The following USH2A variants were observed in gnomAD, a reference collection of about 807,000 sequenced individuals.
USH2A encodes the protein usherin.
A neutral mutation model predicts 538.9 loss-of-function variants in USH2A; 443 were observed. The observed-to-expected ratio is 0.82, with a 90% CI of 0.76 to 0.89. The LOEUF (loss-of-function observed/expected upper bound fraction) is 0.89, where lower values mean the gene tolerates loss of function less well. Ranked by LOEUF, USH2A falls within the 40% of genes least tolerant of loss-of-function variation. The pLI, the probability that USH2A is intolerant of heterozygous loss-of-function variation, is 0.00. For missense variants in USH2A, 6,633 were observed against 6,324.8 expected, an observed-to-expected ratio of 1.05 and a Z score of -1.65; for synonymous variants, 2,413 against 2,273.5, an observed-to-expected ratio of 1.06 and a Z score of -1.75.
chr1:216,291,477 T>G (rs2037001077), intron 10 of USH2A, among the ~76,000 whole-genome samples: 1 of 152,194 alleles, frequency 6.6e-6, no homozygotes. Flanking sequence ...TTATTCATCT[T>G]CATGTCCCCA....
intron 4 of USH2A, among the ~76,000 whole-genome samples, chr1:216,354,189 T>A (rs2038338500): frequency 6.6e-6 from 1 of 150,528 alleles, no homozygotes; most frequent in Non-Finnish European, 1.5e-5. Flanking sequence ...CAGTTTGGTA[T>A]TTTTTCTTTC....
At chr1:215,983,538 T>C (rs139608726) in intron 35 of USH2A, among the ~76,000 whole-genome samples, 5 of 152,252 alleles carry the variant, frequency 3.3e-5, no homozygotes, top group Non-Finnish European at 7.4e-5. Flanking sequence ...AATGGAAATT[T>C]TGTTCATTTA....
intron 64 of USH2A, among the ~76,000 whole-genome samples, chr1:215,651,715 G>GA (rs1235941511): frequency 6.6e-6 from 1 of 151,242 alleles, no homozygotes; most frequent in East Asian, 1.9e-4. Context: ...ATTTGTGGGG[G>GA]AAAAAAAGAA....
intron 11 of USH2A, among the ~76,000 whole-genome samples, chr1:216,266,154 T>C (rs1235586018): frequency 6.6e-6 from 1 of 152,102 alleles, no homozygotes; most frequent in Non-Finnish European, 1.5e-5. Flanking sequence ...TTGAAATATC[T>C]CTCTGTATCC....
chr1:216,000,436 A>C lies in USH2A; in HGVS notation c.6452T>G (p.Leu2151Arg). Residue 2151 changes from leucine to arginine, a missense_variant, in exon 33 of 72, where the codon CTG becomes CGG. Transcript: ENST00000307340. The part of the protein sequence containing the change: ...LPPEHVDSPV[L>R]TVLDSRTIHI... ...TATAGTTCTAGAATCCAGGACAGTC[A>C]GAACTGGGGAATCCACGTGTTCTGG... 6.2e-7 allele frequency: 1 copy of C among 1,613,710 alleles called. No individual in the cohort carries two copies. Among genetic ancestry groups the C allele is most frequent in the African/African-American group, 1.3e-5 (1 of 75,042 alleles).
chr1:216,266,291 C>A (rs1394034352), intron 11 of USH2A, among the ~76,000 whole-genome samples: 3 of 151,986 alleles, frequency 2.0e-5, no homozygotes, highest in Middle Eastern at 3.4e-3. Flanking sequence ...CATTCAAATT[C>A]CAAAAATAAA....
chr1:215,743,068 G>A lies in USH2A; in HGVS notation c.11548+109C>T, dbSNP rs553080499. On this transcript the variant is annotated intron_variant, in intron 59 of 71. Transcript: ENST00000307340. ...AAACAGTCCACTACAAATAAGAAGT[G>A]AAACGTTAGTCTTTATATTTGGACT... The A allele has an allele frequency of 9.5e-6, 13 of 1,371,060 alleles. No homozygotes were observed. The African/African-American group carries it at 1.7e-4, about 18-fold the overall frequency. 84.9% of individuals were successfully genotyped at this position (1,371,060 alleles called of 1,614,324 possible). A position where few individuals can be genotyped will look rare whatever the true frequency, so the allele number is the denominator to read the frequency against.
At chr1:216,314,037 T>C (rs1236032515) in intron 9 of USH2A, among the ~76,000 whole-genome samples, 1 of 152,214 alleles carries the variant, frequency 6.6e-6, no homozygotes, top group Non-Finnish European at 1.5e-5. Context: ...TACCTATGTA[T>C]GCATTTACTT....
At chr1:216,122,840 C>T (rs2033164789) in intron 21 of USH2A, among the ~76,000 whole-genome samples, 1 of 152,108 alleles carries the variant, frequency 6.6e-6, no homozygotes. Flanking sequence ...AGAGACTTTC[C>T]CATCCTATTG....
chr1:215,896,432 A>T (rs1665342584), intron 40 of USH2A, among the ~76,000 whole-genome samples: 1 of 152,142 alleles, frequency 6.6e-6, no homozygotes, highest in South Asian at 2.1e-4. Context: ...TCCATATTTC[A>T]ATCTTATTTC....
At chr1:215,923,876 T>G (rs115410582) in intron 38 of USH2A, among the ~76,000 whole-genome samples, 1 of 151,878 alleles carries the variant, frequency 6.6e-6, no homozygotes, top group Non-Finnish European at 1.5e-5. Context: ...CTCATTTTTT[T>G]TTTCATTTTA....
chr1:215,738,302 CA>C lies in USH2A; in HGVS notation c.11711+3072del, dbSNP rs1660210482. Among the ~76,000 whole-genome samples the C allele has an allele frequency of 2.6e-5, 4 of 152,222 alleles. No homozygotes were observed. The South Asian group carries it at 8.3e-4, about 32-fold the overall frequency. ...GTCTTGTCTATACTCAGTCAATAAA[CA>C]GGTTGCAAAACACTAACTTAAATGT... On this transcript the variant is annotated intron_variant, in intron 60 of 71. Transcript: ENST00000307340.
At chr1:216,240,013 C>CAAAAAAAAAAAAAA (rs55691066) in intron 13 of USH2A, among the ~76,000 whole-genome samples, 5 of 112,288 alleles carry the variant, frequency 4.5e-5, no homozygotes, top group African/African-American at 6.6e-5. Flanking sequence ...ATGAAATAAA[C>CAAAAAAAAAAAAAA]AAAAAAAAAA....
chr1:215,673,439 G>A (rs574772308), intron 63 of USH2A, among the ~76,000 whole-genome samples: 4 of 152,234 alleles, frequency 2.6e-5, no homozygotes, highest in African/African-American at 7.2e-5. Flanking sequence ...AAAATGTGAT[G>A]GGGAAAACTG....
At chr1:215,819,406 T>TAA (rs5780859) in intron 47 of USH2A, among the ~76,000 whole-genome samples, 1 of 151,204 alleles carries the variant, frequency 6.6e-6, no homozygotes, top group Non-Finnish European at 1.5e-5. Flanking sequence ...CATAGACTGC[T>TAA]AAAAAAAGAA....
At chr1:215,791,721 C>A (rs1031161906) in intron 50 of USH2A, among the ~76,000 whole-genome samples, 5 of 152,120 alleles carry the variant, frequency 3.3e-5, no homozygotes, top group Non-Finnish European at 5.9e-5. Context: ...CAAATTAATA[C>A]AAAGAGCAGG....
intron 38 of USH2A, among the ~76,000 whole-genome samples, chr1:215,913,432 T>A (rs1427371154): frequency 1.3e-5 from 2 of 152,110 alleles, no homozygotes; most frequent in Non-Finnish European, 2.9e-5. Flanking sequence ...GTTAAATGAC[T>A]AAGACTTTGC....
At chr1:215,955,632 C>T (rs1037810743) in intron 37 of USH2A, among the ~76,000 whole-genome samples, 1 of 151,976 alleles carries the variant, frequency 6.6e-6, no homozygotes, top group African/African-American at 2.4e-5. Context: ...TTATTTGCAA[C>T]CCGATTTATA....
intron 60 of USH2A, among the ~76,000 whole-genome samples, chr1:215,728,967 C>T (rs1302140863): frequency 1.3e-5 from 2 of 152,042 alleles, no homozygotes; most frequent in East Asian, 3.9e-4. Flanking sequence ...GGAATCCTTA[C>T]CCTTCTATGA....
Sources: gnomAD v4.1 joint callset for allele counts (sites outside exome capture counted in the v4.1 genomes callset) on GRCh38, gnomAD v4.1.1 for gene constraint, MANE v1.5 for transcripts, NCBI Gene and HGNC (gene_info 2026-07-23, HGNC 2026-07-21) for gene names.